Variants in PSD3 observed in about 807,000 individuals in gnomAD.
The protein encoded by PSD3 is PH and SEC7 domain-containing protein 3.
Under a neutral mutation model 105.5 loss-of-function variants are expected in PSD3, and 49 were observed. The observed-to-expected ratio is 0.46, with a 90% CI of 0.37 to 0.59. The LOEUF (loss-of-function observed/expected upper bound fraction) is 0.59. PSD3 is among the 20% of genes least tolerant of loss of function. PSD3 has a pLI of 0.00. For synonymous variants in PSD3, 557 were observed against 457.8 expected, an observed-to-expected ratio of 1.22 and a Z score of -2.77; for missense variants, 1,561 against 1,263.8, an observed-to-expected ratio of 1.24 and a Z score of -3.57.
At chr8:18,954,104 T>C (rs1823408062) in intron 1 of PSD3, among the ~76,000 whole-genome samples, 1 of 152,148 alleles carries the variant, frequency 6.6e-6, no homozygotes, top group African/African-American at 2.4e-5. Flanking sequence ...CCTCAACTTA[T>C]GATGTGGCTA....
chr8:18,599,974 T>C (rs1055433087), intron 12 of PSD3, among the ~76,000 whole-genome samples: 1 of 152,198 alleles, frequency 6.6e-6, no homozygotes, highest in African/African-American at 2.4e-5. Context: ...TATGCCACCA[T>C]CACTGTTCTC....
chr8:18,650,696 T>A (rs948430217), intron 10 of PSD3, among the ~76,000 whole-genome samples: 2 of 152,216 alleles, frequency 1.3e-5, no homozygotes, highest in Non-Finnish European at 2.9e-5. Flanking sequence ...TGGATAGAGA[T>A]TGCAGAATAG....
At chr8:18,766,283 G>A (rs1044197667) in intron 8 of PSD3, among the ~76,000 whole-genome samples, 5 of 152,132 alleles carry the variant, frequency 3.3e-5, no homozygotes, top group East Asian at 1.9e-4. Flanking sequence ...GCAGTGAGTC[G>A]AGACTGCACT....
intron 9 of PSD3, among the ~76,000 whole-genome samples, chr8:18,663,802 A>T (rs1442133977): frequency 6.6e-6 from 1 of 152,228 alleles, no homozygotes; most frequent in African/African-American, 2.4e-5. Flanking sequence ...CTTCACGTAT[A>T]CGATAATGCT....
chr8:18,567,762 T>G (rs992508294), intron 14 of PSD3, among the ~76,000 whole-genome samples: 8 of 152,156 alleles, frequency 5.3e-5, no homozygotes, highest in Non-Finnish European at 1.2e-4. Flanking sequence ...AGAAGGCCAA[T>G]GTGGTTTGTC....
chr8:18,903,795 C>G (rs115173990), intron 2 of PSD3, among the ~76,000 whole-genome samples: 2,089 of 152,200 alleles, frequency 0.014, 43 homozygotes, highest in African/African-American at 0.047. Flanking sequence ...TAGGACCTTT[C>G]TGGGGGGCCA....
chr8:18,758,435 A>G (rs1451802048), intron 9 of PSD3, among the ~76,000 whole-genome samples: 1 of 149,200 alleles, frequency 6.7e-6, no homozygotes, highest in Non-Finnish European at 1.5e-5. Context: ...TTTTTTTAAG[A>G]AGAATCATTA....
At chr8:18,745,482 T>C (rs1243482740) in intron 9 of PSD3, among the ~76,000 whole-genome samples, 2 of 152,204 alleles carry the variant, frequency 1.3e-5, no homozygotes, top group Non-Finnish European at 2.9e-5. Context: ...GTTGGCTAGG[T>C]TGGCCTTCTG....
chr8:18,712,475 G>C (rs532318170), intron 9 of PSD3, among the ~76,000 whole-genome samples: 2 of 152,290 alleles, frequency 1.3e-5, no homozygotes, highest in East Asian at 3.9e-4. Flanking sequence ...ACAACCATCA[G>C]AGAATACCAT....
chr8:18,625,811 A>G (rs1806434132), intron 11 of PSD3, among the ~76,000 whole-genome samples: 1 of 152,146 alleles, frequency 6.6e-6, no homozygotes, highest in Non-Finnish European at 1.5e-5. Flanking sequence ...GCTTTATAGG[A>G]CCAAGATTAA....
intron 1 of PSD3, chr8:19,000,143 C>G (rs1465402684): frequency 1.3e-5 from 2 of 151,088 alleles, no homozygotes; most frequent in Non-Finnish European, 2.9e-5. Flanking sequence ...GTAATCCCAG[C>G]ACTTTGGGAG....
chr8:19,063,364 A>T (rs1166298690), intron 1 of PSD3, among the ~76,000 whole-genome samples: 1 of 152,242 alleles, frequency 6.6e-6, no homozygotes, highest in African/African-American at 2.4e-5. Context: ...ATTTTCTGCC[A>T]GAGGTAGTAC....
chr8:18,602,831 A>G (rs1033964550), intron 11 of PSD3, among the ~76,000 whole-genome samples: 17 of 152,170 alleles, frequency 1.1e-4, no homozygotes, highest in Non-Finnish European at 1.5e-4. Context: ...AGGCTCTTCA[A>G]GCAAAACACA....
chr8:18,826,638 T>G (rs933616524), intron 4 of PSD3, among the ~76,000 whole-genome samples: 2 of 152,212 alleles, frequency 1.3e-5, no homozygotes, highest in African/African-American at 4.8e-5. Context: ...ACATCTACTG[T>G]GTTATCTTTG....
Position 18,650,832 on chromosome 8 carries a change from G to C in PSD3, c.2216+4810C>G, listed in dbSNP as rs1298313047. On this transcript the variant is annotated intron_variant, in intron 10 of 15. Transcript: ENST00000327040. ...GTGCACTGTATCAAAGGCTAGCACA[G>C]AAACATTCAGACTCACTCTCTGCTC... is the stretch of plus-strand genomic sequence containing the variant. 2.0e-5 allele frequency among the ~76,000 whole-genome samples: 3 copies of C among 152,314 alleles called. No individual in the cohort carries two copies. The East Asian group carries it at 5.8e-4, about 29-fold the overall frequency.
intron 15 of PSD3, among the ~76,000 whole-genome samples, chr8:18,543,487 A>G (rs1039840690): frequency 1.3e-5 from 2 of 151,924 alleles, no homozygotes; most frequent in Admixed American, 6.6e-5. Context: ...GCGTGGTGGC[A>G]GGCGCCTGTA....
chr8:18,785,179 G>A (rs335241), intron 8 of PSD3, among the ~76,000 whole-genome samples: 145,356 of 152,264 alleles, frequency 0.95, 69,548 homozygotes, highest in Non-Finnish European at 0.97. Flanking sequence ...TTTCTTATTT[G>A]TCATAGTATC....
rs566029139 is a variant in PSD3 at position 18,747,116 on chromosome 8, G to T, written c.2172+18333C>A. ...TAAGATTGAAAAGGGCTTCTCAAAC[G>T]TAAATAATGCCCCCACATCTTCAAT... On this transcript the variant is annotated intron_variant, in intron 9 of 15. Transcript: ENST00000327040. Among the ~76,000 whole-genome samples the T allele has an allele frequency of 2.0e-5, 3 of 152,306 alleles. No individual in the cohort carries two copies. The East Asian group carries it at 5.8e-4, about 29-fold the overall frequency.
At chr8:19,046,232 C>T (rs540686223) in intron 1 of PSD3, among the ~76,000 whole-genome samples, 8 of 152,238 alleles carry the variant, frequency 5.3e-5, no homozygotes, top group Non-Finnish European at 8.8e-5. Context: ...CTGCCTCAGC[C>T]TCCAGAGTAG....
Sources: allele counts gnomAD v4.1 joint callset (sites outside exome capture counted in the v4.1 genomes callset), GRCh38; gene constraint gnomAD v4.1.1; transcripts MANE v1.5; gene names NCBI Gene and HGNC (gene_info 2026-07-23, HGNC 2026-07-21).